Variants in FAM24B observed in about 807,000 individuals in gnomAD.
FAM24B encodes family with sequence similarity 24 member B, also known as protein FAM24B.
A neutral mutation model predicts 2.3 loss-of-function variants in FAM24B; 3 were observed. The observed-to-expected ratio is 1.29, with a 90% CI of 0.59 to 3.32. The LOEUF (loss-of-function observed/expected upper bound fraction) is 3.32, where lower values mean the gene tolerates loss of function less well. Among genes scored for constraint, FAM24B ranks in the 30% most tolerant of loss-of-function variants. The probability of loss-of-function intolerance (pLI) is 0.03; values close to 1 mark genes in which losing one functional copy is unlikely to be tolerated. For synonymous variants in FAM24B, 36 were observed against 46.3 expected, an observed-to-expected ratio of 0.78 and a Z score of 0.90; for missense variants, 98 against 117.2, an observed-to-expected ratio of 0.84 and a Z score of 0.76.
intron 1 of FAM24B, among the ~76,000 whole-genome samples, chr10:122,870,864 G>A (rs1847885426): frequency 6.6e-6 from 1 of 152,152 alleles, no homozygotes; most frequent in African/African-American, 2.4e-5. Flanking sequence ...CATTCCCTTT[G>A]AAAACTGGCA....
At chr10:122,849,570 A>C in intron 3 of FAM24B, 131 bp from the exon 4 acceptor site, 1 of 706,264 alleles carries the variant, frequency 1.4e-6, no homozygotes, top group Admixed American at 3.3e-5. Flanking sequence ...CCTACATTAA[A>C]GCTCTCTCCC....
At chr10:122,860,387 T>C (rs1442066910) in intron 1 of FAM24B, among the ~76,000 whole-genome samples, 1 of 152,232 alleles carries the variant, frequency 6.6e-6, no homozygotes, top group Non-Finnish European at 1.5e-5. Flanking sequence ...ATTCTGTTGT[T>C]TGACTGGACC....
At chr10:122,853,308 ACCCTGGG>A (rs1847573903) in intron 2 of FAM24B, among the ~76,000 whole-genome samples, 1 of 152,044 alleles carries the variant, frequency 6.6e-6, no homozygotes, top group South Asian at 2.1e-4. Context: ...TACATTTTGT[ACCCTGGG>A]CCCTTCGCAT....
intron 1 of FAM24B, among the ~76,000 whole-genome samples, chr10:122,869,962 C>T (rs1460356224): frequency 7.2e-5 from 11 of 152,050 alleles, no homozygotes; most frequent in African/African-American, 2.4e-5. Flanking sequence ...AATAGAGACA[C>T]AAAAAGCCCT....
chr10:122,858,325 T>C (rs1847670356), intron 1 of FAM24B, among the ~76,000 whole-genome samples: 1 of 150,824 alleles, frequency 6.6e-6, no homozygotes, highest in African/African-American at 2.4e-5. Flanking sequence ...ACACCTCATG[T>C]TCTCACTCAT....
intron 1 of FAM24B, among the ~76,000 whole-genome samples, chr10:122,875,749 TA>T (rs77605078): frequency 0.55 from 81,875 of 149,586 alleles, 22,331 homozygotes; most frequent in Non-Finnish European, 0.56. Flanking sequence ...GTCTCCTAAT[TA>T]AAAAAAAAAA....
intron 1 of FAM24B, among the ~76,000 whole-genome samples, chr10:122,872,602 A>G (rs1408894561): frequency 6.6e-6 from 1 of 152,200 alleles, no homozygotes; most frequent in Non-Finnish European, 1.5e-5. Flanking sequence ...AATACTATGC[A>G]GCCATAAAAA....
At position 122,850,534 on chromosome 10, in the gene FAM24B, A is replaced by C; in HGVS notation, c.-19T>G. The C allele has an allele frequency of 1.3e-6, 2 of 1,580,888 alleles. No homozygotes were observed. The highest frequency in any genetic ancestry group is 1.7e-6 in the Non-Finnish European group (2 of 1,149,576). On this transcript the variant is annotated 5_prime_UTR_variant, in exon 3 of 4. Transcript: ENST00000368898. ...CAGGCATAATCACTGTATGGAGGTC[A>C]AAAGACTTCGATGTACCTAGGCAGA...
intron 1 of FAM24B, among the ~76,000 whole-genome samples, chr10:122,872,300 G>A (rs1230345954): frequency 6.6e-6 from 1 of 152,176 alleles, no homozygotes; most frequent in Non-Finnish European, 1.5e-5. Context: ...GTGCTGGAGA[G>A]GATGTGGAGA....
At chr10:122,863,249 C>T in intron 1 of FAM24B, among the ~76,000 whole-genome samples, 1 of 152,180 alleles carries the variant, frequency 6.6e-6, no homozygotes, top group South Asian at 2.1e-4. Flanking sequence ...TGACTTCATG[C>T]CTGGCACTAG....
At chr10:122,869,172 C>T (rs1360611752) in intron 1 of FAM24B, among the ~76,000 whole-genome samples, 2 of 151,952 alleles carry the variant, frequency 1.3e-5, no homozygotes, top group Non-Finnish European at 2.9e-5. Context: ...CAACAAAGAT[C>T]AAAAGAGACA....
chr10:122,876,688 A>T (rs2133844225), intron 1 of FAM24B, among the ~76,000 whole-genome samples: 1 of 152,228 alleles, frequency 6.6e-6, no homozygotes, highest in South Asian at 2.1e-4. Context: ...GTATTTGCCT[A>T]CCCAGTTTGG....
chr10:122,865,911 C>A (rs1847798105), intron 1 of FAM24B, among the ~76,000 whole-genome samples: 2 of 139,676 alleles, frequency 1.4e-5, no homozygotes, highest in South Asian at 4.5e-4. Flanking sequence ...TTGTATTATT[C>A]TTTTTTTTTT....
intron 2 of FAM24B, among the ~76,000 whole-genome samples, chr10:122,854,379 C>T (rs1847599611): frequency 6.6e-6 from 1 of 152,174 alleles, no homozygotes; most frequent in Admixed American, 6.5e-5. Flanking sequence ...TCACTGGCAG[C>T]AAAGAAACTA....
intron 1 of FAM24B, among the ~76,000 whole-genome samples, chr10:122,863,859 G>T (rs1415729520): frequency 6.6e-6 from 1 of 152,206 alleles, no homozygotes. Flanking sequence ...ATCTAAAAAG[G>T]AGAGAGATAA....
intron 2 of FAM24B, among the ~76,000 whole-genome samples, chr10:122,853,546 T>C (rs1476777819): frequency 6.6e-6 from 1 of 152,188 alleles, no homozygotes; most frequent in African/African-American, 2.4e-5. Flanking sequence ...CCCGTGTTAA[T>C]TGCTCCTCTC....
chr10:122,866,686 G>T lies in FAM24B; in HGVS notation c.-177-10900C>A, dbSNP rs574904152. On this transcript the variant is annotated intron_variant, in intron 1 of 3. Transcript: ENST00000368898. ...TATTGCCATTGTTTTGGTCCACCAT[G>T]AATCATGACCCTATAACATGGCAGA... 1.9e-4 allele frequency among the ~76,000 whole-genome samples: 29 copies of T among 152,200 alleles called. 2 individuals carry two copies. In the South Asian group the frequency reaches 6.0e-3, roughly 32 times the overall value.
At chr10:122,871,423 T>C (rs1169793270) in intron 1 of FAM24B, among the ~76,000 whole-genome samples, 5 of 152,082 alleles carry the variant, frequency 3.3e-5, no homozygotes, top group Middle Eastern at 3.2e-3. Flanking sequence ...CTTCACAGAA[T>C]TGGAAAAAAC....
At chr10:122,850,586 G>A (rs979785641) in intron 2 of FAM24B, 36 bp from the exon 3 acceptor site, 27 of 1,072,780 alleles carry the variant, frequency 2.5e-5, no homozygotes, top group Non-Finnish European at 3.5e-5. Flanking sequence ...CTGAGCCCAC[G>A]TGGTCTCCCT....
Sources: allele counts gnomAD v4.1 joint callset (sites outside exome capture counted in the v4.1 genomes callset), GRCh38; gene constraint gnomAD v4.1.1; transcripts MANE v1.5; gene names NCBI Gene and HGNC (gene_info 2026-07-23, HGNC 2026-07-21).